Variants in ATXN1 observed in about 807,000 individuals in gnomAD.
ATXN1 encodes the protein ataxin 1.
ATXN1 carries 8 observed loss-of-function variants against 56.4 expected under a neutral mutation model. That is an observed-to-expected ratio of 0.14 (90% CI 0.08 to 0.26). The LOEUF is 0.26. ATXN1 is among the 10% of genes least tolerant of loss of function. The pLI, the probability that ATXN1 is intolerant of heterozygous loss-of-function variation, is 1.00. For synonymous variants in ATXN1, 514 were observed against 494.6 expected, an observed-to-expected ratio of 1.04 and a Z score of -0.52; for missense variants, 987 against 1,106.5, an observed-to-expected ratio of 0.89 and a Z score of 1.53.
chr6:16,697,873 C>A (rs948933806), intron 2 of ATXN1, among the ~76,000 whole-genome samples: 1 of 152,288 alleles, frequency 6.6e-6, no homozygotes, highest in East Asian at 1.9e-4. Context: ...ACTGTTTTCA[C>A]CAATAAATAG....
chr6:16,589,404 T>A (rs1762684367), intron 3 of ATXN1, among the ~76,000 whole-genome samples: 3 of 151,104 alleles, frequency 2.0e-5, no homozygotes, highest in Non-Finnish European at 4.4e-5. Context: ...CACGCACACA[T>A]ATATATTATA....
chr6:16,759,530 G>GTT (rs1046854905), intron 1 of ATXN1, among the ~76,000 whole-genome samples: 482 of 45,970 alleles, frequency 0.01, 163 homozygotes, highest in African/African-American at 0.018. Context: ...TCTTCCGACT[G>GTT]TTTTTTTTTT....
intron 6 of ATXN1, among the ~76,000 whole-genome samples, chr6:16,450,355 G>C (rs986223534): frequency 6.6e-6 from 1 of 152,208 alleles, no homozygotes; most frequent in Non-Finnish European, 1.5e-5. Flanking sequence ...AACAATCACT[G>C]ATGCAACATG....
At chr6:16,628,682 AT>A (rs1763450278) in intron 3 of ATXN1, among the ~76,000 whole-genome samples, 1 of 152,122 alleles carries the variant, frequency 6.6e-6, no homozygotes. Flanking sequence ...AGTTCTCATC[AT>A]TTAGCTCCCA....
At chr6:16,591,643 G>T (rs1378800673) in intron 3 of ATXN1, among the ~76,000 whole-genome samples, 12 of 152,008 alleles carry the variant, frequency 7.9e-5, no homozygotes. Flanking sequence ...TATTTTCCCT[G>T]CCGTGTAATG....
chr6:16,366,801 A>G (rs1761930768), intron 6 of ATXN1, among the ~76,000 whole-genome samples: 1 of 151,758 alleles, frequency 6.6e-6, no homozygotes, highest in Admixed American at 6.6e-5. Flanking sequence ...AAAAAGAAAA[A>G]GAAAAAAACA....
intron 3 of ATXN1, among the ~76,000 whole-genome samples, chr6:16,643,456 T>A (rs1360283439): frequency 6.6e-6 from 1 of 151,446 alleles, no homozygotes; most frequent in East Asian, 1.9e-4. Context: ...TGATGAAACC[T>A]CGTCTCTACA....
chr6:16,755,852 A>C (rs1310704232), intron 1 of ATXN1, among the ~76,000 whole-genome samples: 1 of 152,164 alleles, frequency 6.6e-6, no homozygotes, highest in Non-Finnish European at 1.5e-5. Context: ...GTAGGATACA[A>C]TTTTTGCTTA....
chr6:16,574,033 T>C (rs1762377766), intron 4 of ATXN1, among the ~76,000 whole-genome samples: 1 of 152,154 alleles, frequency 6.6e-6, no homozygotes, highest in South Asian at 2.1e-4. Flanking sequence ...ATTTTTTGTT[T>C]TGTTTTGTTT....
chr6:16,621,455 C>T (rs1763319058), intron 3 of ATXN1, among the ~76,000 whole-genome samples: 2 of 152,238 alleles, frequency 1.3e-5, no homozygotes, highest in African/African-American at 4.8e-5. Flanking sequence ...GGCCCGGCGG[C>T]TCATGCCTGT....
intron 6 of ATXN1, among the ~76,000 whole-genome samples, chr6:16,386,959 A>G (rs116359566): frequency 0.017 from 2,517 of 152,294 alleles, 37 homozygotes; most frequent in Non-Finnish European, 0.022. Context: ...GGCGTGAACT[A>G]CCGTGCCCAG....
chr6:16,381,030 G>A (rs557027138), intron 6 of ATXN1, among the ~76,000 whole-genome samples: 5 of 152,190 alleles, frequency 3.3e-5, no homozygotes, highest in Admixed American at 1.3e-4. Context: ...GGTGGCTCAC[G>A]CCTGTAATCC....
chr6:16,607,302 C>T (rs556082532), intron 3 of ATXN1, among the ~76,000 whole-genome samples: 1 of 152,332 alleles, frequency 6.6e-6, no homozygotes, highest in Admixed American at 6.5e-5. Flanking sequence ...GGGACCTCTC[C>T]AAGGTCCATT....
At chr6:16,356,622 T>C (rs1231989045) in intron 6 of ATXN1, among the ~76,000 whole-genome samples, 1 of 152,130 alleles carries the variant, frequency 6.6e-6, no homozygotes, top group East Asian at 1.9e-4. Flanking sequence ...GTATGAACTG[T>C]CCTGGAACTA....
intron 2 of ATXN1, chr6:16,667,538 T>TAG (rs1172622120): frequency 6.6e-6 from 1 of 152,322 alleles, no homozygotes; most frequent in African/African-American, 2.4e-5. Context: ...GACATGAGGA[T>TAG]AGAGCACTGA....
rs112115987 is a variant in ATXN1, at chr6:16,692,124, C to A, written c.-614-34223G>T. Among the ~76,000 whole-genome samples the A allele has an allele frequency of 5.1e-3, 783 of 152,308 alleles. 8 individuals are homozygous for A. Among genetic ancestry groups the A allele is most frequent in the African/African-American group, 0.018 (739 of 41,562 alleles). ...ACTAAAAATACACCGGGCGTGGTGG[C>A]ACGCACCTGTAGTCCCAGCTACTCA... On this transcript the variant is annotated intron_variant, in intron 2 of 7. Coordinates refer to ENST00000436367, the MANE Select transcript of ATXN1 (RefSeq NM_001128164.2).
chr6:16,740,986 T>C (rs1434454954), intron 2 of ATXN1, among the ~76,000 whole-genome samples: 1 of 152,254 alleles, frequency 6.6e-6, no homozygotes, highest in Non-Finnish European at 1.5e-5. Flanking sequence ...ACATGTCTTT[T>C]CATCCTACAA....
intron 4 of ATXN1, among the ~76,000 whole-genome samples, chr6:16,538,645 A>G (rs1037615539): frequency 7.9e-6 from 1 of 126,732 alleles, no homozygotes; most frequent in African/African-American, 3.1e-5. Flanking sequence ...ATGTGTTCTC[A>G]TTGTTCAATT....
chr6:16,584,274 A>ATC (rs1762582934), intron 4 of ATXN1, among the ~76,000 whole-genome samples: 1 of 144,730 alleles, frequency 6.9e-6, no homozygotes, highest in Admixed American at 6.9e-5. Flanking sequence ...ACACACACAT[A>ATC]TACACATATA....
Sources: gnomAD v4.1 joint callset for allele counts (sites outside exome capture counted in the v4.1 genomes callset) on GRCh38, gnomAD v4.1.1 for gene constraint, MANE v1.5 for transcripts, NCBI Gene and HGNC (gene_info 2026-07-23, HGNC 2026-07-21) for gene names.